Variants in NUP93 observed in about 807,000 individuals in gnomAD.
NUP93 encodes the protein nucleoporin 93, also known as nuclear pore complex protein Nup93.
In NUP93, 55 loss-of-function variants were observed where a neutral mutation model predicts 107.8. The observed-to-expected ratio is 0.51, with a 90% CI of 0.41 to 0.64. The LOEUF is 0.64. Ranked by LOEUF, NUP93 falls within the 30% of genes least tolerant of loss-of-function variation. The pLI is 0.00. For missense variants in NUP93, 937 were observed against 1,044.7 expected, an observed-to-expected ratio of 0.90 and a Z score of 1.42; for synonymous variants, 390 against 397.5, an observed-to-expected ratio of 0.98 and a Z score of 0.22.
At chr16:56,790,234 C>T (rs1962728899) in intron 3 of NUP93, among the ~76,000 whole-genome samples, 1 of 152,178 alleles carries the variant, frequency 6.6e-6, no homozygotes, top group Non-Finnish European at 1.5e-5. Context: ...GTCTCATGGG[C>T]CTTGTAAGCT....
intron 1 of NUP93, among the ~76,000 whole-genome samples, chr16:56,733,146 T>A (rs944020892): frequency 3.9e-5 from 6 of 151,936 alleles, no homozygotes; most frequent in Non-Finnish European, 7.4e-5. Context: ...GAATAGAGAA[T>A]TGCTAGGGTA....
Position 56,834,789 on chromosome 16 carries a change from T to G in NUP93, c.1782+11T>G. 6.3e-7 allele frequency: 1 copy of G among 1,592,528 alleles called. No individual in the cohort carries two copies. The highest frequency in any genetic ancestry group is 8.6e-7 in the Non-Finnish European group (1 of 1,161,936). ...GACGGAAGTAGAAAGGTGAGTTAAA[T>G]GCATCCTTAGAGAAATGTTCGTTAG... On this transcript the variant is annotated intron_variant, in intron 16 of 21. Transcript: ENST00000308159.
chr16:56,740,314 C>T (rs1215574660), intron 1 of NUP93, among the ~76,000 whole-genome samples: 4 of 145,394 alleles, frequency 2.8e-5, no homozygotes, highest in African/African-American at 7.7e-5. Context: ...TCAGACGGGG[C>T]GGCCGGGCAG....
rs149496972 is a variant in NUP93 at position 56,775,401 on chromosome 16, C to T, written c.297+16746C>T. On this transcript the variant is annotated intron_variant, in intron 3 of 21. Coordinates refer to ENST00000308159, the MANE Select transcript of NUP93 (RefSeq NM_014669.5). The stretch of plus-strand genomic sequence containing the variant: ...AGTCATGTTGAGCACTTATTCTGTG[C>T]ATGATGCTGTGTTAAGCACTTTAAG... 1.5e-3 allele frequency among the ~76,000 whole-genome samples: 235 copies of T among 152,290 alleles called. 1 individual carries two copies. The highest frequency in any genetic ancestry group is 5.2e-3 in the African/African-American group (216 of 41,554).
Position 56,834,405 on chromosome 16 carries a change from T to A in NUP93, c.1700T>A (p.Leu567Gln). The change falls in exon 15 of 22, where the codon CTG becomes CAG. Residue 567 changes from leucine to glutamine, a missense_variant. Transcript: ENST00000308159. ...EKDSQGENMF[L>Q]RCVSELVIES... ...GATAGTCAAGGAGAAAACATGTTTC[T>A]GCGCTGTGTGAGTGAGCTTGTGATT... 1.2e-6 allele frequency: 2 copies of A among 1,614,250 alleles called. No individual in the cohort carries two copies. The highest frequency in any genetic ancestry group is 1.7e-6 in the Non-Finnish European group (2 of 1,180,042).
chr16:56,786,949 G>C (rs1962641327), intron 3 of NUP93, among the ~76,000 whole-genome samples: 2 of 152,198 alleles, frequency 1.3e-5, no homozygotes, highest in Non-Finnish European at 2.9e-5. Flanking sequence ...GCCTGTATTT[G>C]CCACTCCAGC....
In NUP93 at chr16:56,830,599, C is replaced by A. The variant is rs188243427; in HGVS notation, c.999C>A (p.Ala333=). ...YYCMRCGDLL[A]ASQVVNRAQH... ...GCATGCGCTGTGGAGACCTGCTTGC[C>A]GCTTCACAGGTAGTTAATCGAGCCC... Residue 333 remains alanine, a synonymous_variant, in exon 10 of 22, where the codon GCC becomes GCA. Transcript: ENST00000308159. The A allele has an allele frequency of 5.6e-6, 9 of 1,610,996 alleles. No individual in the cohort carries two copies. The highest frequency in any genetic ancestry group is 3.3e-5 in the South Asian group (3 of 90,944).
At chr16:56,782,065 C>A (rs1277450126) in intron 3 of NUP93, 1 of 985,294 alleles carries the variant, frequency 1.0e-6, no homozygotes. Context: ...GTCCTTCTCC[C>A]CACCCCCATC....
At chr16:56,795,698 G>A (rs149293429) in intron 3 of NUP93, among the ~76,000 whole-genome samples, 1,870 of 152,024 alleles carry the variant, frequency 0.012, 62 homozygotes, top group Admixed American at 0.073. Context: ...CCAGGCTGGA[G>A]TGCAGTGGCG....
At chr16:56,829,138 T>A in intron 9 of NUP93, 29 bp downstream of exon 9, 2 of 1,604,162 alleles carry the variant, frequency 1.2e-6, no homozygotes, top group South Asian at 2.3e-5. Flanking sequence ...GTGTGATCAG[T>A]TACACCCCCA....
chr16:56,832,216 C>T, intron 11 of NUP93, 79 bp from the exon 12 acceptor site: 1 of 1,319,656 alleles, frequency 7.6e-7, no homozygotes, highest in Non-Finnish European at 1.1e-6. Flanking sequence ...TTGAGCATGG[C>T]TGCTGAACAG....
At chr16:56,794,012 G>A (rs994475186) in intron 3 of NUP93, among the ~76,000 whole-genome samples, 2 of 151,866 alleles carry the variant, frequency 1.3e-5, no homozygotes, top group African/African-American at 4.8e-5. Flanking sequence ...CCGAGATCAC[G>A]CCACTGCACT....
intron 5 of NUP93, among the ~76,000 whole-genome samples, chr16:56,814,272 C>T (rs1172007125): frequency 3.3e-5 from 5 of 152,148 alleles, no homozygotes; most frequent in Non-Finnish European, 4.4e-5. Flanking sequence ...CTTCCGCTTC[C>T]CGGGCTCAAG....
chr16:56,803,650 G>T (rs1450799412), intron 4 of NUP93, among the ~76,000 whole-genome samples: 7 of 151,948 alleles, frequency 4.6e-5, no homozygotes, highest in African/African-American at 1.5e-4. Context: ...ATGGAAAGAT[G>T]CTCAACATCA....
Position 56,818,732 on chromosome 16 carries a change from G to GC in NUP93, c.559dup (p.Arg187ProfsTer7). ...TGGATAACATCGAGATGGCCTATGC[G>GC]CGGCAAGTGAGTGTGATTTTAAGGG... On this transcript the variant is annotated frameshift_variant, in exon 6 of 22. Transcript: ENST00000308159. LOFTEE classifies it high-confidence loss of function. 1.2e-6 allele frequency: 2 copies of GC among 1,613,582 alleles called. No individual in the cohort carries two copies. The highest frequency in any genetic ancestry group is 1.7e-6 in the Non-Finnish European group (2 of 1,179,558).
chr16:56,746,912 A>G (rs1172553143), intron 1 of NUP93, among the ~76,000 whole-genome samples: 1 of 152,238 alleles, frequency 6.6e-6, no homozygotes, highest in East Asian at 1.9e-4. Context: ...CTGTCTCCCA[A>G]AAGAAGGAAA....
chr16:56,836,828 GC>G, intron 17 of NUP93, 111 bp downstream of exon 17: 1 of 673,726 alleles, frequency 1.5e-6, no homozygotes, highest in Non-Finnish European at 2.6e-6. Context: ...CCCTGCAGAG[GC>G]ATTTGCTCTA....
At chr16:56,798,575 G>A (rs755799039) in intron 4 of NUP93, 37 bp downstream of exon 4, 1 of 1,527,288 alleles carries the variant, frequency 6.5e-7, no homozygotes, top group Non-Finnish European at 9.1e-7. Flanking sequence ...GTATACAGAT[G>A]AGGGCAAGAG....
intron 5 of NUP93, among the ~76,000 whole-genome samples, chr16:56,815,859 A>ACTG (rs1386091589): frequency 2.4e-5 from 2 of 84,942 alleles, no homozygotes; most frequent in African/African-American, 9.4e-5. Flanking sequence ...TCCAGCTACT[A>ACTG]CTGCTACTGC....
Sources: allele counts gnomAD v4.1 joint callset (sites outside exome capture counted in the v4.1 genomes callset), GRCh38; gene constraint gnomAD v4.1.1; transcripts MANE v1.5; gene names NCBI Gene and HGNC (gene_info 2026-07-23, HGNC 2026-07-21).